The following MAP3K20 variants were observed in gnomAD, a reference collection of about 807,000 sequenced individuals.
The protein encoded by MAP3K20 is mitogen-activated protein kinase kinase kinase 20.
MAP3K20 carries 40 observed loss-of-function variants against 85.7 expected under a neutral mutation model. The observed-to-expected ratio is 0.47, with a 90% confidence interval of 0.36 to 0.61. The LOEUF is 0.61. Ranked by LOEUF, MAP3K20 falls within the 20% of genes least tolerant of loss-of-function variation. The probability of loss-of-function intolerance (pLI) is 0.00; values close to 1 mark genes in which losing one functional copy is unlikely to be tolerated. For synonymous variants in MAP3K20, 325 were observed against 327.7 expected, an observed-to-expected ratio of 0.99 and a Z score of 0.09; for missense variants, 817 against 961.7, an observed-to-expected ratio of 0.85 and a Z score of 1.99.
intron 16 of MAP3K20, among the ~76,000 whole-genome samples, chr2:173,248,233 TCA>T (rs1684965281): frequency 6.6e-6 from 1 of 152,108 alleles, no homozygotes; most frequent in Admixed American, 6.5e-5. Flanking sequence ...CTCAGTTTCG[TCA>T]CACATTTTAC....
At chr2:173,234,118 T>C (rs558951327) in intron 14 of MAP3K20, among the ~76,000 whole-genome samples, 120 of 152,306 alleles carry the variant, frequency 7.9e-4, no homozygotes, top group African/African-American at 2.8e-3. Context: ...TCTTGTCCTA[T>C]TTGGCAGATG....
chr2:173,154,100 C>T (rs193021846), intron 2 of MAP3K20, among the ~76,000 whole-genome samples: 1,938 of 152,280 alleles, frequency 0.013, 23 homozygotes, highest in Middle Eastern at 0.024. Flanking sequence ...GCCTGTTACC[C>T]TATCACTACA....
intron 9 of MAP3K20, among the ~76,000 whole-genome samples, chr2:173,205,616 T>C (rs1011500199): frequency 6.6e-6 from 1 of 152,202 alleles, no homozygotes; most frequent in Non-Finnish European, 1.5e-5. Flanking sequence ...GAAGAATTTG[T>C]TGCTGGTTCT....
At chr2:173,114,254 C>T (rs114432709) in intron 2 of MAP3K20, among the ~76,000 whole-genome samples, 225 of 152,194 alleles carry the variant, frequency 1.5e-3, no homozygotes, top group African/African-American at 5.2e-3. Flanking sequence ...TCTTTTTCCA[C>T]GCCTTTACTT....
intron 8 of MAP3K20, among the ~76,000 whole-genome samples, chr2:173,200,182 T>C (rs1387034335): frequency 6.6e-6 from 1 of 152,216 alleles, no homozygotes; most frequent in Admixed American, 6.5e-5. Context: ...TTCTGTACAA[T>C]ATTTATTTGT....
At chr2:173,138,900 C>G (rs1307389857) in intron 2 of MAP3K20, among the ~76,000 whole-genome samples, 1 of 152,150 alleles carries the variant, frequency 6.6e-6, no homozygotes, top group Non-Finnish European at 1.5e-5. Context: ...TGTTCTAGAT[C>G]AAGATTGTAG....
At chr2:173,181,886 C>CA (rs74938428) in intron 3 of MAP3K20, among the ~76,000 whole-genome samples, 3 of 134,998 alleles carry the variant, frequency 2.2e-5, no homozygotes, top group African/African-American at 8.3e-5. Context: ...TCATCTCTAC[C>CA]AAAAAAAAAA....
chr2:173,123,017 G>A (rs1443983514), intron 2 of MAP3K20, among the ~76,000 whole-genome samples: 1 of 152,204 alleles, frequency 6.6e-6, no homozygotes, highest in Non-Finnish European at 1.5e-5. Context: ...TTAGTGCAAG[G>A]AGTGTCTCTG....
intron 1 of MAP3K20, among the ~76,000 whole-genome samples, chr2:173,085,784 ATTT>A (rs61431056): frequency 2.7e-5 from 2 of 73,736 alleles, no homozygotes; most frequent in Non-Finnish European, 4.8e-5. Flanking sequence ...TGTAAAAGCA[ATTT>A]TTTTTTTTTT....
chr2:173,140,679 C>T (rs1688945095), intron 2 of MAP3K20, among the ~76,000 whole-genome samples: 1 of 152,168 alleles, frequency 6.6e-6, no homozygotes, highest in Non-Finnish European at 1.5e-5. Context: ...GTATTTATAA[C>T]TATCGCTAAT....
intron 2 of MAP3K20, among the ~76,000 whole-genome samples, chr2:173,144,166 TAAAA>T (rs914316215): frequency 2.7e-5 from 4 of 148,968 alleles, no homozygotes; most frequent in South Asian, 2.1e-4. Context: ...GAAAAGAAAA[TAAAA>T]GAAAGAAAGA....
chr2:173,116,239 C>T (rs541169542), intron 2 of MAP3K20, among the ~76,000 whole-genome samples: 1 of 152,230 alleles, frequency 6.6e-6, no homozygotes, highest in East Asian at 1.9e-4. Flanking sequence ...AGCTATTTAA[C>T]GTATGCTTTA....
At chr2:173,122,699 A>G (rs1688329563) in intron 2 of MAP3K20, among the ~76,000 whole-genome samples, 1 of 152,206 alleles carries the variant, frequency 6.6e-6, no homozygotes, top group Non-Finnish European at 1.5e-5. Flanking sequence ...ACAGTATTGT[A>G]GTAAACTGCA....
chr2:173,103,891 G>A (rs1189627627), intron 2 of MAP3K20, among the ~76,000 whole-genome samples: 1 of 152,046 alleles, frequency 6.6e-6, no homozygotes, highest in Non-Finnish European at 1.5e-5. Context: ...CAGATTCTGA[G>A]GTAACTTTCT....
intron 2 of MAP3K20, among the ~76,000 whole-genome samples, chr2:173,134,715 G>T (rs1688750907): frequency 1.3e-5 from 2 of 151,708 alleles, no homozygotes; most frequent in Admixed American, 1.3e-4. Flanking sequence ...AGGCAGCTAT[G>T]ATGCTCTTTT....
chr2:173,267,035 C>A lies in MAP3K20; in HGVS notation c.*285C>A. 1 of 230,618 alleles carries A rather than the reference C, an allele frequency of 4.3e-6. No individual in the cohort carries two copies. Among genetic ancestry groups the A allele is most frequent in the Non-Finnish European group, 8.4e-6 (1 of 119,582 alleles). The allele number at this position is 230,618 out of a possible 1,614,324, so 14.3% of individuals were successfully genotyped here. On this transcript the variant is annotated 3_prime_UTR_variant, in exon 20 of 20. Transcript: ENST00000375213. ...GGTTATGCCATCTTTTTACCCTAACCACTGATATTCTGGTTAGCAGGGCCA... is the reference window on the plus strand; with the variant it reads ...GGTTATGCCATCTTTTTACCCTAACAACTGATATTCTGGTTAGCAGGGCCA...
At position 173,190,941 on chromosome 2, in the gene MAP3K20, A is replaced by G; in HGVS notation, c.444+18A>G. ...TATTGAAGGTAGGACTATTTCTTTTACTTAAAAAAATTGTTAATTTCAGAT... is the reference window on the plus strand; with the variant it reads ...TATTGAAGGTAGGACTATTTCTTTTGCTTAAAAAAATTGTTAATTTCAGAT... On this transcript the variant is annotated intron_variant, in intron 6 of 19. Transcript: ENST00000375213. 6.2e-7 allele frequency: 1 copy of G among 1,605,660 alleles called. No homozygotes were observed. Among genetic ancestry groups the G allele is most frequent in the South Asian group, 1.1e-5 (1 of 89,418 alleles).
intron 10 of MAP3K20, chr2:173,210,046 G>GT: frequency 1.8e-6 from 1 of 554,134 alleles, no homozygotes. Context: ...GTTGCCTTGT[G>GT]TAAGTATTTG....
chr2:173,114,143 T>C (rs1400933759), intron 2 of MAP3K20, among the ~76,000 whole-genome samples: 1 of 152,220 alleles, frequency 6.6e-6, no homozygotes, highest in African/African-American at 2.4e-5. Context: ...TTATCTAATG[T>C]CCCTCTTTGT....
Sources: allele counts gnomAD v4.1 joint callset (sites outside exome capture counted in the v4.1 genomes callset), GRCh38; gene constraint gnomAD v4.1.1; transcripts MANE v1.5; gene names NCBI Gene and HGNC (gene_info 2026-07-23, HGNC 2026-07-21).